Variants in HERC4 observed in about 807,000 individuals in gnomAD.
HERC4 encodes the protein probable E3 ubiquitin-protein ligase HERC4.
HERC4 carries 28 observed loss-of-function variants against 124.3 expected under a neutral mutation model. The ratio of observed to expected loss-of-function variants is 0.23; its 90% CI spans 0.17 to 0.31. The LOEUF (loss-of-function observed/expected upper bound fraction) is 0.31, where lower values mean the gene tolerates loss of function less well. Ranked by LOEUF, HERC4 falls within the 10% of genes least tolerant of loss-of-function variation. HERC4 has a pLI of 1.00. For missense variants in HERC4, 713 were observed against 1,229.3 expected (o/e 0.58, Z 6.28); for synonymous variants, 407 against 421.5 (o/e 0.97, Z 0.42).
chr10:68,026,000 G>A (rs762207224), intron 7 of HERC4, among the ~76,000 whole-genome samples: 6 of 152,030 alleles, frequency 3.9e-5, no homozygotes, highest in Non-Finnish European at 7.4e-5. Context: ...ACCTAAAAAC[G>A]GTATCATCTT....
intron 3 of HERC4, among the ~76,000 whole-genome samples, chr10:68,059,537 C>CATAATA (rs1338677846): frequency 1.2e-5 from 1 of 85,486 alleles, no homozygotes; most frequent in Non-Finnish European, 2.3e-5. Flanking sequence ...TATTATATAT[C>CATAATA]ATATTATATA....
At chr10:67,966,953 C>A in intron 15 of HERC4, 151 bp from the exon 16 acceptor site, 1 of 450,298 alleles carries the variant, frequency 2.2e-6, no homozygotes, top group East Asian at 5.0e-5. Flanking sequence ...CTCCCGGGTT[C>A]ACGCCATTCT....
chr10:68,018,540 T>C (rs1589337218), intron 8 of HERC4, among the ~76,000 whole-genome samples: 1 of 152,116 alleles, frequency 6.6e-6, no homozygotes, highest in East Asian at 1.9e-4. Flanking sequence ...GTATAAATAA[T>C]AGAAATAACA....
At chr10:68,055,169 C>A (rs1039954527) in intron 3 of HERC4, among the ~76,000 whole-genome samples, 5 of 152,166 alleles carry the variant, frequency 3.3e-5, no homozygotes. Context: ...GGATCTCTAA[C>A]ATGATGGACT....
chr10:67,924,618 A>C (rs1452379071), intron 24 of HERC4, among the ~76,000 whole-genome samples: 1 of 152,214 alleles, frequency 6.6e-6, no homozygotes, highest in African/African-American at 2.4e-5. Flanking sequence ...ACATGACTGT[A>C]ATCTAGAGAA....
At chr10:67,978,462 C>T (rs2035731354) in intron 15 of HERC4, among the ~76,000 whole-genome samples, 1 of 152,214 alleles carries the variant, frequency 6.6e-6, no homozygotes, top group South Asian at 2.1e-4. Flanking sequence ...CAACAGAACA[C>T]CAGGTAGACG....
intron 19 of HERC4, among the ~76,000 whole-genome samples, chr10:67,946,067 AC>A (rs2033301689): frequency 1.3e-5 from 2 of 152,150 alleles, no homozygotes; most frequent in South Asian, 2.1e-4. Context: ...AGCCTGGGCA[AC>A]ATGGTGAAAC....
intron 11 of HERC4, among the ~76,000 whole-genome samples, chr10:67,991,512 A>G (rs1455583543): frequency 6.6e-6 from 1 of 152,178 alleles, no homozygotes; most frequent in Non-Finnish European, 1.5e-5. Flanking sequence ...TTTTAATTTA[A>G]AAAAATTTTA....
In HERC4 at chr10:68,036,598, A is replaced by T. The variant is rs566969960; in HGVS notation, c.463+1495T>A. On this transcript the variant is annotated intron_variant, in intron 5 of 24. Coordinates refer to ENST00000373700, the MANE Select transcript of HERC4 (RefSeq NM_015601.4). The stretch of plus-strand genomic sequence containing the variant: ...CAGACTTCTCTTTTTATTTCAGCCT[A>T]AACTGAAGTATGAGTATGTCTCCCA... Among the ~76,000 whole-genome samples, 19 of 152,278 alleles carry T rather than the reference A, an allele frequency of 1.2e-4. 1 individual carries two copies. The highest frequency in any genetic ancestry group is 1.2e-3 in the Admixed American group (18 of 15,284).
intron 19 of HERC4, among the ~76,000 whole-genome samples, chr10:67,948,245 T>C (rs937046552): frequency 3.3e-5 from 5 of 151,852 alleles, no homozygotes; most frequent in Non-Finnish European, 7.4e-5. Context: ...AACTAAATAT[T>C]AAAGCAGTGA....
At chr10:68,058,370 T>C (rs1322170340) in intron 3 of HERC4, among the ~76,000 whole-genome samples, 1 of 152,142 alleles carries the variant, frequency 6.6e-6, no homozygotes, top group Non-Finnish European at 1.5e-5. Flanking sequence ...CAGGCATAAA[T>C]GAAAAGATCT....
At chr10:68,060,731 A>C (rs1485317673) in intron 3 of HERC4, among the ~76,000 whole-genome samples, 1 of 152,132 alleles carries the variant, frequency 6.6e-6, no homozygotes, top group Admixed American at 6.5e-5. Context: ...AGGTAACATC[A>C]ACCACTCAGG....
chr10:68,062,182 T>C (rs2041060634), intron 3 of HERC4, among the ~76,000 whole-genome samples: 1 of 152,178 alleles, frequency 6.6e-6, no homozygotes, highest in Admixed American at 6.5e-5. Flanking sequence ...CTTACAATAC[T>C]ACATTTCTTA....
Position 67,922,868 on chromosome 10 carries a change from C to A in HERC4, c.*63G>T. 1 of 1,164,028 alleles carries A rather than the reference C, an allele frequency of 8.6e-7. No homozygotes were observed. The highest frequency in any genetic ancestry group is 2.2e-5 in the Admixed American group (1 of 45,942). The allele number at this position is 1,164,028 out of a possible 1,614,324, so 72.1% of individuals were successfully genotyped here. A position where few individuals can be genotyped will look rare whatever the true frequency, so the allele number is the denominator to read the frequency against. Reference sequence around the variant, plus strand: ...CTCTGTCACCTTGCTGAATTCATCACCACAAGAAAAACACAAATAGTTTAA... The same window carrying A: ...CTCTGTCACCTTGCTGAATTCATCAACACAAGAAAAACACAAATAGTTTAA... On this transcript the variant is annotated 3_prime_UTR_variant, in exon 25 of 25. Transcript: ENST00000373700.
intron 9 of HERC4, among the ~76,000 whole-genome samples, chr10:67,999,656 T>G (rs1208103768): frequency 6.6e-6 from 1 of 152,176 alleles, no homozygotes; most frequent in Non-Finnish European, 1.5e-5. Context: ...TCCAGCAGAA[T>G]AAGAATTCAT....
At chr10:67,937,414 T>C (rs999155638) in intron 21 of HERC4, among the ~76,000 whole-genome samples, 8 of 152,144 alleles carry the variant, frequency 5.3e-5, no homozygotes, top group African/African-American at 1.9e-4. Flanking sequence ...ATTACCATAG[T>C]TCTTTGAATA....
At chr10:68,027,292 T>C (rs1589363899) in intron 7 of HERC4, among the ~76,000 whole-genome samples, 1 of 152,222 alleles carries the variant, frequency 6.6e-6, no homozygotes, top group Non-Finnish European at 1.5e-5. Flanking sequence ...AATCACCATA[T>C]AACCATCACT....
intron 3 of HERC4, among the ~76,000 whole-genome samples, chr10:68,048,208 C>T (rs564633174): frequency 6.6e-6 from 1 of 152,290 alleles, no homozygotes; most frequent in East Asian, 1.9e-4. Context: ...GCATGAGCCA[C>T]CACACCCAGC....
Position 68,020,889 on chromosome 10 carries a change from A to G in HERC4, c.908+4657T>C, listed in dbSNP as rs371861416. 3.9e-5 allele frequency among the ~76,000 whole-genome samples: 6 copies of G among 152,156 alleles called. No individual in the cohort carries two copies. In the East Asian group the frequency reaches 9.6e-4, roughly 24 times the overall value. On this transcript the variant is annotated intron_variant, in intron 8 of 24. Coordinates refer to ENST00000373700, the MANE Select transcript of HERC4 (RefSeq NM_015601.4). ...AAAAATCAGCAAACGTAAAGATAGG[A>G]CAGTTGCAATTATTGAGTCTGTGGA...
Sources: allele counts gnomAD v4.1 joint callset (sites outside exome capture counted in the v4.1 genomes callset), GRCh38; gene constraint gnomAD v4.1.1; transcripts MANE v1.5; gene names NCBI Gene and HGNC (gene_info 2026-07-23, HGNC 2026-07-21).